LHFPL6: variants seen among roughly 807,000 people sequenced by gnomAD.
LHFPL6 encodes LHFPL tetraspan subfamily member 6, also known as LHFPL tetraspan subfamily member 6 protein.
In LHFPL6, 9 loss-of-function variants were observed where a neutral mutation model predicts 20.6. That is an observed-to-expected ratio of 0.44 (90% CI 0.26 to 0.76). LHFPL6 has a LOEUF of 0.76. Ranked by LOEUF, LHFPL6 falls within the 30% of genes least tolerant of loss-of-function variation. LHFPL6 has a pLI of 0.20. For synonymous variants in LHFPL6, 105 were observed against 98.7 expected (o/e 1.06, Z -0.38); for missense variants, 218 against 253.5 (o/e 0.86, Z 0.95).
intron 2 of LHFPL6, among the ~76,000 whole-genome samples, chr13:39,452,265 T>C (rs906888004): frequency 9.9e-5 from 15 of 152,052 alleles, no homozygotes; most frequent in African/African-American, 2.9e-4. Context: ...ACACAGCACA[T>C]TGCACTGAAA....
At position 39,468,140 on chromosome 13, in the gene LHFPL6, C is replaced by T. The variant is rs138988015; in HGVS notation, c.386-89614G>A. On this transcript the variant is annotated intron_variant, in intron 2 of 3. Transcript: ENST00000379589. Reference sequence around the variant, plus strand: ...ACCACTCCACTGCTATCTTTTTCACCGATCTACATAAACTCAAGTCTTCAC... The same window carrying T: ...ACCACTCCACTGCTATCTTTTTCACTGATCTACATAAACTCAAGTCTTCAC... Among the ~76,000 whole-genome samples the T allele has an allele frequency of 2.0e-3, 305 of 152,172 alleles. 4 individuals are homozygous for T. The highest frequency in any genetic ancestry group is 6.9e-3 in the African/African-American group (285 of 41,512).
chr13:39,437,350 G>A (rs1296826239), intron 2 of LHFPL6, among the ~76,000 whole-genome samples: 9 of 152,164 alleles, frequency 5.9e-5, no homozygotes, highest in Non-Finnish European at 1.3e-4. Context: ...CCTTGGTGCT[G>A]TACTTGTGAT....
intron 2 of LHFPL6, among the ~76,000 whole-genome samples, chr13:39,537,301 T>G (rs188161770): frequency 6.6e-6 from 1 of 152,168 alleles, no homozygotes; most frequent in Non-Finnish European, 1.5e-5. Context: ...ACCTAGACCT[T>G]GGGTATAAAA....
At chr13:39,523,374 C>G (rs1403470068) in intron 2 of LHFPL6, among the ~76,000 whole-genome samples, 2 of 152,054 alleles carry the variant, frequency 1.3e-5, no homozygotes, top group Non-Finnish European at 2.9e-5. Flanking sequence ...TGGAGACCAT[C>G]CTGGCTAACA....
chr13:39,579,210 A>G (rs781077774), intron 2 of LHFPL6, among the ~76,000 whole-genome samples: 10 of 152,202 alleles, frequency 6.6e-5, no homozygotes, highest in Non-Finnish European at 7.3e-5. Context: ...ATGAGGCTGC[A>G]TAGGAGTGAG....
chr13:39,387,215 T>TAC (rs752261102), intron 2 of LHFPL6, among the ~76,000 whole-genome samples: 37 of 152,288 alleles, frequency 2.4e-4, no homozygotes, highest in Admixed American at 7.8e-4. Flanking sequence ...TGTATTTTTG[T>TAC]ACACACATGT....
At chr13:39,453,592 C>CTAAG (rs1872503423) in intron 2 of LHFPL6, among the ~76,000 whole-genome samples, 1 of 152,186 alleles carries the variant, frequency 6.6e-6, no homozygotes, top group African/African-American at 2.4e-5. Context: ...AGTACCCCAG[C>CTAAG]TAAGGAATCC....
At chr13:39,543,637 C>CCTCTT (rs3035061) in intron 2 of LHFPL6, among the ~76,000 whole-genome samples, 130,588 of 151,792 alleles carry the variant, frequency 0.86, 56,365 homozygotes, top group Middle Eastern at 0.91. Context: ...TTACCAAACT[C>CCTCTT]CTCAGCTCAG....
intron 2 of LHFPL6, among the ~76,000 whole-genome samples, chr13:39,387,759 G>C (rs1870604672): frequency 1.3e-5 from 2 of 151,998 alleles, no homozygotes; most frequent in Non-Finnish European, 2.9e-5. Flanking sequence ...CCATCTCTGG[G>C]CTTACTTTCC....
chr13:39,468,836 A>C (rs530954763), intron 2 of LHFPL6, among the ~76,000 whole-genome samples: 1 of 152,148 alleles, frequency 6.6e-6, no homozygotes, highest in East Asian at 1.9e-4. Flanking sequence ...GGTTATGGTC[A>C]GCATCCTCAT....
intron 2 of LHFPL6, among the ~76,000 whole-genome samples, chr13:39,470,886 C>T (rs1872926721): frequency 6.6e-6 from 1 of 152,186 alleles, no homozygotes; most frequent in Admixed American, 6.5e-5. Flanking sequence ...CCATCATCAC[C>T]GTGGTTACCT....
chr13:39,521,701 C>A (rs1206425573), intron 2 of LHFPL6, among the ~76,000 whole-genome samples: 1 of 152,134 alleles, frequency 6.6e-6, no homozygotes, highest in South Asian at 2.1e-4. Flanking sequence ...AATGTAGTCA[C>A]GATAAAGAGT....
intron 2 of LHFPL6, among the ~76,000 whole-genome samples, chr13:39,460,656 C>G (rs1393130329): frequency 6.6e-6 from 1 of 152,164 alleles, no homozygotes; most frequent in East Asian, 1.9e-4. Context: ...GAGTCATGCT[C>G]CTTAATGACT....
intron 2 of LHFPL6, 31 bp from the exon 3 acceptor site, chr13:39,378,557 C>G (rs1376142194): frequency 1.4e-5 from 21 of 1,510,742 alleles, no homozygotes; most frequent in Non-Finnish European, 1.9e-5. Context: ...AGGGCTTTAC[C>G]AGTGCTTCTC....
intron 2 of LHFPL6, among the ~76,000 whole-genome samples, chr13:39,443,129 T>C (rs1456791906): frequency 2.0e-5 from 3 of 152,158 alleles, no homozygotes; most frequent in Non-Finnish European, 4.4e-5. Context: ...GCATTAACAA[T>C]GTTACTATGG....
At chr13:39,577,124 A>G (rs1593371265) in intron 2 of LHFPL6, among the ~76,000 whole-genome samples, 2 of 152,342 alleles carry the variant, frequency 1.3e-5, no homozygotes, top group East Asian at 1.9e-4. Context: ...GTGAAAAATG[A>G]TAACACTTAG....
intron 2 of LHFPL6, among the ~76,000 whole-genome samples, chr13:39,481,087 T>G (rs1868505039): frequency 1.3e-5 from 2 of 152,184 alleles, no homozygotes; most frequent in Admixed American, 1.3e-4. Context: ...CTCCCTGTAT[T>G]TTTAAAGTTT....
intron 2 of LHFPL6, among the ~76,000 whole-genome samples, chr13:39,479,019 C>G (rs1025902053): frequency 6.9e-6 from 1 of 144,844 alleles, no homozygotes; most frequent in Admixed American, 6.9e-5. Flanking sequence ...TAATGAAGCA[C>G]CAATGGGAGA....
chr13:39,484,691 T>C (rs1217277843), intron 2 of LHFPL6, among the ~76,000 whole-genome samples: 3 of 152,210 alleles, frequency 2.0e-5, no homozygotes, highest in Non-Finnish European at 4.4e-5. Flanking sequence ...TTTAAGTACT[T>C]GGTGGTTTAA....
Sources: gnomAD v4.1 joint callset for allele counts (sites outside exome capture counted in the v4.1 genomes callset) on GRCh38, gnomAD v4.1.1 for gene constraint, MANE v1.5 for transcripts, NCBI Gene and HGNC (gene_info 2026-07-23, HGNC 2026-07-21) for gene names.